SOX5: variants seen among roughly 807,000 people sequenced by gnomAD.
The protein encoded by SOX5 is transcription factor SOX-5.
SOX5 carries 9 observed loss-of-function variants against 92.0 expected under a neutral mutation model. That is an observed-to-expected ratio of 0.10 (90% CI 0.06 to 0.17). SOX5 has a LOEUF of 0.17. SOX5 is among the 10% of genes least tolerant of loss of function. The probability of loss-of-function intolerance (pLI) is 1.00; values close to 1 mark genes in which losing one functional copy is unlikely to be tolerated. For missense variants in SOX5, 642 were observed against 944.5 expected (o/e 0.68, Z 4.20); for synonymous variants, 344 against 336.3 (o/e 1.02, Z -0.25).
intron 4 of SOX5, among the ~76,000 whole-genome samples, chr12:24,120,844 T>A (rs1164544541): frequency 6.6e-6 from 1 of 152,206 alleles, no homozygotes; most frequent in African/African-American, 2.4e-5. Flanking sequence ...GTTGAAAAAC[T>A]GAGACATTCA....
intron 3 of SOX5, among the ~76,000 whole-genome samples, chr12:23,803,765 T>C (rs2095707773): frequency 6.6e-6 from 1 of 152,236 alleles, no homozygotes; most frequent in East Asian, 1.9e-4. Context: ...AGACATATCA[T>C]TTCTAACCAG....
chr12:23,579,104 C>T (rs1178303291), intron 9 of SOX5, among the ~76,000 whole-genome samples: 1 of 152,104 alleles, frequency 6.6e-6, no homozygotes, highest in Admixed American at 6.6e-5. Flanking sequence ...GATGTGGGTG[C>T]TCATGGGATG....
chr12:23,823,152 G>C (rs2096156797), intron 3 of SOX5, among the ~76,000 whole-genome samples: 1 of 152,120 alleles, frequency 6.6e-6, no homozygotes, highest in Non-Finnish European at 1.5e-5. Flanking sequence ...ATTTGATCCT[G>C]TCATTATGAT....
chr12:24,393,763 T>C lies in SOX5; in HGVS notation c.-250-25124A>G, dbSNP rs2136524163. Reference sequence around the variant, plus strand: ...TCTTCCATTTGGGGATGAAAGAAACTTTGTTTCCCATCTTCAAAGAAGTGG... The same window carrying C: ...TCTTCCATTTGGGGATGAAAGAAACCTTGTTTCCCATCTTCAAAGAAGTGG... On this transcript the variant is annotated intron_variant, in intron 1 of 4. Transcript: ENST00000446891. The surrounding 1 kb of genome is among the most constrained non-coding windows in gnomAD (Gnocchi z 5.0). Among the ~76,000 whole-genome samples, 1 of 152,296 alleles carries C rather than the reference T, an allele frequency of 6.6e-6. No homozygotes were observed. The highest frequency in any genetic ancestry group is 2.4e-5 in the African/African-American group (1 of 41,554).
chr12:23,535,773 A>G (rs974488933), intron 14 of SOX5, among the ~76,000 whole-genome samples: 14 of 152,224 alleles, frequency 9.2e-5, no homozygotes, highest in African/African-American at 3.4e-4. Flanking sequence ...TATTCTAAGA[A>G]GCTCTTAGAA....
chr12:24,324,900 G>C (rs508427), intron 2 of SOX5, among the ~76,000 whole-genome samples: 21,618 of 151,984 alleles, frequency 0.14, 1,681 homozygotes, highest in South Asian at 0.18. Context: ...AAAACTTACT[G>C]AATCTTTTTA....
intron 5 of SOX5, among the ~76,000 whole-genome samples, chr12:23,738,974 C>T (rs1235114473): frequency 4.6e-5 from 7 of 151,970 alleles, no homozygotes; most frequent in Admixed American, 6.6e-5. Context: ...AAAAATAAAA[C>T]GAACATCTTT....
chr12:23,772,311 G>A (rs1238543666), intron 3 of SOX5, among the ~76,000 whole-genome samples: 3 of 152,012 alleles, frequency 2.0e-5, no homozygotes, highest in Non-Finnish European at 4.4e-5. Context: ...CTCCACTGAC[G>A]CTATTTATCT....
chr12:23,934,538 A>G (rs997542516), intron 1 of SOX5, among the ~76,000 whole-genome samples: 2 of 150,050 alleles, frequency 1.3e-5, no homozygotes, highest in South Asian at 2.1e-4. Context: ...TATTTTAAAT[A>G]TTTTTTCATC....
At chr12:24,248,287 C>A (rs1939296689) in intron 3 of SOX5, among the ~76,000 whole-genome samples, 1 of 152,174 alleles carries the variant, frequency 6.6e-6, no homozygotes, top group Non-Finnish European at 1.5e-5. Context: ...CCCAAGACCA[C>A]CACACTCAGA....
intron 3 of SOX5, among the ~76,000 whole-genome samples, chr12:23,757,263 G>T (rs1243614853): frequency 6.6e-6 from 1 of 151,782 alleles, no homozygotes; most frequent in Non-Finnish European, 1.5e-5. Flanking sequence ...TTTTCCCTCA[G>T]AACAAAATAC....
At chr12:23,569,502 A>G (rs542308890) in intron 10 of SOX5, among the ~76,000 whole-genome samples, 1 of 152,330 alleles carries the variant, frequency 6.6e-6, no homozygotes, top group East Asian at 1.9e-4. Context: ...ATGTTCCTGG[A>G]AAATCATCAT....
chr12:23,988,564 T>G (rs1950262459), intron 4 of SOX5, among the ~76,000 whole-genome samples: 1 of 152,154 alleles, frequency 6.6e-6, no homozygotes, highest in Non-Finnish European at 1.5e-5. Flanking sequence ...AAGGGGCCAA[T>G]TAAGGTAGAA....
chr12:24,361,122 A>G (rs1052853559), intron 2 of SOX5, among the ~76,000 whole-genome samples: 1 of 152,260 alleles, frequency 6.6e-6, no homozygotes, highest in South Asian at 2.1e-4. Context: ...GCCATAGAAT[A>G]TTCCATGCAG....
chr12:24,070,538 A>C (rs1402861495), intron 4 of SOX5, among the ~76,000 whole-genome samples: 1 of 152,170 alleles, frequency 6.6e-6, no homozygotes. Context: ...AGACCTCAGG[A>C]AATTCAAGGA....
intron 4 of SOX5, among the ~76,000 whole-genome samples, chr12:24,097,828 A>G (rs1369348422): frequency 2.0e-5 from 3 of 152,184 alleles, no homozygotes; most frequent in Non-Finnish European, 4.4e-5. Context: ...TTTATCCTAC[A>G]GTATCTCACT....
chr12:23,765,797 TACACAG>T (rs1332825055), intron 3 of SOX5, among the ~76,000 whole-genome samples: 1 of 152,096 alleles, frequency 6.6e-6, no homozygotes, highest in Non-Finnish European at 1.5e-5. Flanking sequence ...CATGCTCACA[TACACAG>T]ACACAAATGA....
At chr12:23,701,103 G>T (rs188156338) in intron 6 of SOX5, among the ~76,000 whole-genome samples, 59 of 151,902 alleles carry the variant, frequency 3.9e-4, no homozygotes, top group African/African-American at 1.3e-3. Context: ...ATAGATTTTT[G>T]AATTACCTCA....
intron 3 of SOX5, among the ~76,000 whole-genome samples, chr12:24,264,272 C>G (rs1054361212): frequency 5.3e-5 from 8 of 152,108 alleles, no homozygotes; most frequent in African/African-American, 1.7e-4. Context: ...ACATTGAGTT[C>G]TATTAAATTT....
Sources: gnomAD v4.1 joint callset for allele counts (sites outside exome capture counted in the v4.1 genomes callset) on GRCh38, gnomAD v4.1.1 for gene constraint, Gnocchi (gnomAD v3.1) non-coding constraint, MANE v1.5 for transcripts, NCBI Gene and HGNC (gene_info 2026-07-23, HGNC 2026-07-21) for gene names.